The following TROAP variants were observed in gnomAD, a reference collection of about 807,000 sequenced individuals.
TROAP encodes the protein trophinin associated protein, also known as tastin.
TROAP carries 62 observed loss-of-function variants against 83.4 expected under a neutral mutation model. The ratio of observed to expected loss-of-function variants is 0.74; its 90% CI spans 0.61 to 0.92. The LOEUF (loss-of-function observed/expected upper bound fraction) is 0.92, where lower values mean the gene tolerates loss of function less well. TROAP is among the 40% of genes least tolerant of loss of function. The pLI is 0.00. For synonymous variants in TROAP, 352 were observed against 386.4 expected (o/e 0.91, Z 1.04); for missense variants, 876 against 985.1 (o/e 0.89, Z 1.48).
In TROAP at chr12:49,329,374, G is replaced by A; in HGVS notation, c.1105-21G>A. On this transcript the variant is annotated intron_variant, in intron 10 of 14. Coordinates refer to ENST00000257909, the MANE Select transcript of TROAP (RefSeq NM_005480.4). This position sits in a 1 kb window ranked among gnomAD's most constrained non-coding sequence, Gnocchi z 4.5. Reference sequence around the variant, plus strand: ...CCATCTGTGGGTGTCAGCCCTTGCTGACATCTCACTTCTGTGCCAGGCCCA... The same window carrying A: ...CCATCTGTGGGTGTCAGCCCTTGCTAACATCTCACTTCTGTGCCAGGCCCA... 2 of 1,613,168 alleles carry A rather than the reference G, an allele frequency of 1.2e-6. No individual in the cohort carries two copies. The highest frequency in any genetic ancestry group is 1.7e-6 in the Non-Finnish European group (2 of 1,179,438).
intron 2 of TROAP, 32 bp from the exon 3 acceptor site, chr12:49,323,813 C>T: frequency 6.2e-7 from 1 of 1,613,918 alleles, no homozygotes; most frequent in Non-Finnish European, 8.5e-7. Flanking sequence ...CAACACTAAA[C>T]CTCACCTTTT....
intron 3 of TROAP, 141 bp from the exon 4 acceptor site, chr12:49,325,358 CTA>C: frequency 1.2e-6 from 1 of 843,998 alleles, no homozygotes; most frequent in Non-Finnish European, 1.7e-6. Flanking sequence ...ACCCAGCCAT[CTA>C]TTTCTTAAAA....
At position 49,330,490 on chromosome 12, in the gene TROAP, C is replaced by G. The variant is rs1183694798; in HGVS notation, c.1645C>G (p.Pro549Ala). ...ACAGCTTGAAGTACCAGAGCCCTAC[C>G]CTCCAGCAGAACCCAGGCCCCTAGA... ...QEQLEVPEPY[P>A]PAEPRPLESC... The change falls in exon 13 of 15, where the codon CCT (proline) becomes GCT (alanine). Residue 549 changes from proline (P) to alanine (A), a missense_variant. Transcript: ENST00000257909. 3.7e-6 allele frequency: 6 copies of G among 1,613,526 alleles called. 1 individual carries two copies. The South Asian group carries it at 5.5e-5, about 15-fold the overall frequency.
intron 13 of TROAP, 86 bp downstream of exon 13, chr12:49,331,029 C>A (rs772012745): frequency 6.4e-6 from 10 of 1,565,998 alleles, no homozygotes; most frequent in African/African-American, 2.7e-5. Context: ...CTACCCCAGG[C>A]AATCTCATGC....
chr12:49,323,655 C>A lies in TROAP; in HGVS notation c.47C>A (p.Ser16Tyr). ...AAGGATCCCCTCCTCCGGGGTGTAT[C>A]TCCTACCCCTAGCAAGATTCCGGTA... The part of the protein sequence containing the change: ...ATKDPLLRGV[S>Y]PTPSKIPVRS... The change falls in exon 2 of 15, where the codon TCT becomes TAT. Residue 16 changes from serine (S) to tyrosine (Y), a missense_variant. Physicochemically the swap from Ser to Tyr is moderately radical, Grantham distance 144 (BLOSUM62 -2). This residue lies in a region of TROAP where 689 missense variants were observed against 722.6 expected (regional missense o/e 0.95). Transcript: ENST00000257909. 1 of 1,614,104 alleles carries A rather than the reference C, an allele frequency of 6.2e-7. No individual in the cohort carries two copies. Among genetic ancestry groups the A allele is most frequent in the Non-Finnish European group, 8.5e-7 (1 of 1,180,028 alleles).
At chr12:49,323,551 G>C in intron 1 of TROAP, 53 bp from the exon 2 acceptor site, 1 of 1,590,570 alleles carries the variant, frequency 6.3e-7, no homozygotes, top group Non-Finnish European at 8.6e-7. Flanking sequence ...CCCGAGAACT[G>C]GTTGATCTTT....
chr12:49,330,262 A>G lies in TROAP; in HGVS notation c.1417A>G (p.Thr473Ala), dbSNP rs1423183680. ...TATGGTTGAACTTCAGCCCCTGCTGACTGAGATTTCTAGAACTCTGAATGC... is the reference window on the plus strand; with the variant it reads ...TATGGTTGAACTTCAGCCCCTGCTGGCTGAGATTTCTAGAACTCTGAATGC... ...LDMVELQPLL[T>A]EISRTLNATE... The change falls in exon 13 of 15, where the codon ACT (threonine) becomes GCT (alanine). Residue 473 changes from threonine to alanine, a missense_variant. This residue lies in a region of TROAP where 689 missense variants were observed against 722.6 expected (regional missense o/e 0.95). Coordinates refer to ENST00000257909, the MANE Select transcript of TROAP (RefSeq NM_005480.4). The G allele has an allele frequency of 1.2e-6, 2 of 1,614,088 alleles. No individual in the cohort carries two copies. The highest frequency in any genetic ancestry group is 1.7e-6 in the Non-Finnish European group (2 of 1,179,982).
rs200487146 is a variant in TROAP at position 49,331,358 on chromosome 12, G to C, written c.2243G>C (p.Arg748Pro). The change falls in exon 14 of 15, where the codon CGG becomes CCG. Residue 748 changes from arginine to proline, a missense_variant. Transcript: ENST00000257909. ...TSRAPPSGPT[R>P]VCTNPVATLL... ...CGAGCCCCTCCCTCAGGCCCCACCC[G>C]GGTCTGCACCAACCCTGTGGCTACA... 9 of 1,614,010 alleles carry C rather than the reference G, an allele frequency of 5.6e-6. No individual in the cohort carries two copies. The highest frequency in any genetic ancestry group is 1.3e-5 in the African/African-American group (1 of 74,924).
chr12:49,323,359 G>A lies in TROAP; in HGVS notation c.-6+10G>A, dbSNP rs935287342. The A allele has an allele frequency of 4.1e-6, 2 of 491,820 alleles. No individual in the cohort carries two copies. The highest frequency in any genetic ancestry group is 1.9e-5 in the African/African-American group (1 of 51,364). The allele number at this position is 491,820 out of a possible 1,614,324, so 30.5% of individuals were successfully genotyped here. A position where few individuals can be genotyped will look rare whatever the true frequency, so the allele number is the denominator to read the frequency against. Reference sequence around the variant, plus strand: ...GAGGGGCCTCGGTAAGGTAAGGCACGGGGGTCTTGAAGGGAACGAAGGCTG... The same window carrying A: ...GAGGGGCCTCGGTAAGGTAAGGCACAGGGGTCTTGAAGGGAACGAAGGCTG... On this transcript the variant is annotated intron_variant, in intron 1 of 14. Coordinates refer to ENST00000257909, the MANE Select transcript of TROAP (RefSeq NM_005480.4).
At position 49,329,207 on chromosome 12, in the gene TROAP, G is replaced by A. The variant is rs147967383; in HGVS notation, c.1067G>A (p.Arg356Gln). The A allele has an allele frequency of 7.7e-5, 125 of 1,614,192 alleles. No individual in the cohort carries two copies. The highest frequency in any genetic ancestry group is 6.5e-4 in the South Asian group (59 of 91,088). ...LRRLTVQPKT[R>Q]FTPMPSTPRV... ...CGTCTCACCGTTCAACCTAAAACCCGGTTCACACCCATGCCATCAACCCCC... is the reference window on the plus strand; with the variant it reads ...CGTCTCACCGTTCAACCTAAAACCCAGTTCACACCCATGCCATCAACCCCC... Residue 356 changes from arginine to glutamine, a missense_variant, in exon 10 of 15, where the codon CGG becomes CAG. Transcript: ENST00000257909. This position sits in a 1 kb window ranked among gnomAD's most constrained non-coding sequence, Gnocchi z 4.5.
intron 3 of TROAP, chr12:49,324,580 A>T (rs1368335483): frequency 6.1e-6 from 1 of 164,198 alleles, no homozygotes; most frequent in African/African-American, 2.4e-5. Flanking sequence ...GTCTTATGTA[A>T]CATTCTATGA....
chr12:49,329,319 G>A lies in TROAP; in HGVS notation c.1104+75G>A, dbSNP rs1457971511. On this transcript the variant is annotated intron_variant, in intron 10 of 14. Coordinates refer to ENST00000257909, the MANE Select transcript of TROAP (RefSeq NM_005480.4). This position sits in a 1 kb window ranked among gnomAD's most constrained non-coding sequence, Gnocchi z 4.5. ...AAAGGAGATGGATGGGTACAGGAGA[G>A]AGAAGACAGAAGCAAGGGGAGGCTG... 6.2e-7 allele frequency: 1 copy of A among 1,613,024 alleles called. No individual in the cohort carries two copies. Among genetic ancestry groups the A allele is most frequent in the Admixed American group, 1.7e-5 (1 of 60,006 alleles).
chr12:49,328,961 C>T lies in TROAP; in HGVS notation c.926C>T (p.Ala309Val), dbSNP rs148646194. 5.6e-6 allele frequency: 9 copies of T among 1,600,456 alleles called. No individual in the cohort carries two copies. In the African/African-American group the frequency reaches 1.2e-4, roughly 21 times the overall value. ...SHDSHLMPSP[A>V]PVAQPLPGHV... ...GACTCCCACCTGATGCCCTCCCCTG[C>T]CCCTGTGGCCCAGCCCTTGCCTGGC... The change falls in exon 9 of 15, where the codon GCC becomes GTC. Residue 309 changes from alanine (A) to valine (V), a missense_variant. Transcript: ENST00000257909.
At chr12:49,327,128 C>T (rs894548222) in intron 7 of TROAP, 81 bp from the exon 8 acceptor site, 1 of 1,569,328 alleles carries the variant, frequency 6.4e-7, no homozygotes, top group African/African-American at 1.4e-5. Context: ...ACTAATATAC[C>T]CTCTTCAGAA....
At chr12:49,327,071 G>A (rs1046930807) in intron 7 of TROAP, 138 bp from the exon 8 acceptor site, 34 of 1,035,384 alleles carry the variant, frequency 3.3e-5, no homozygotes, top group Non-Finnish European at 4.6e-5. Context: ...GTGTTGAGGG[G>A]CTGCTGGATG....
intron 8 of TROAP, 147 bp downstream of exon 8, chr12:49,327,477 C>A: frequency 9.5e-7 from 1 of 1,056,834 alleles, no homozygotes; most frequent in Non-Finnish European, 1.4e-6. Context: ...ACCCCAGATG[C>A]ACCCAGTCCC....
At chr12:49,330,054 A>AAAAGAGAT in intron 12 of TROAP, 63 bp downstream of exon 12, 1 of 1,607,500 alleles carries the variant, frequency 6.2e-7, no homozygotes, top group South Asian at 1.1e-5. Context: ...AGGAAGAGGG[A>AAAAGAGAT]AAAGAGATGG....
At chr12:49,326,887 T>G (rs796435091) in intron 7 of TROAP, among the ~76,000 whole-genome samples, 167 bp downstream of exon 7, 5 of 152,306 alleles carry the variant, frequency 3.3e-5, no homozygotes, top group African/African-American at 1.2e-4. Context: ...GGCCAGCGAT[T>G]GGCACAGTTG....
chr12:49,325,439 T>C lies in TROAP; in HGVS notation c.338-62T>C, dbSNP rs931581449. 5.2e-6 allele frequency: 8 copies of C among 1,526,888 alleles called. No individual in the cohort carries two copies. The South Asian group carries it at 9.8e-5, about 19-fold the overall frequency. The allele number at this position is 1,526,888 out of a possible 1,614,324, so 94.6% of individuals were successfully genotyped here. ...CTCACCTTGTACCTCAAAGTTCCTA[T>C]GCTAGGGGCCCTATCCCCCTCAGCC... On this transcript the variant is annotated intron_variant, in intron 3 of 14. Coordinates refer to ENST00000257909, the MANE Select transcript of TROAP (RefSeq NM_005480.4).
Sources: gnomAD v4.1 joint callset for allele counts (sites outside exome capture counted in the v4.1 genomes callset) on GRCh38, gnomAD v4.1.1 for gene constraint, gnomAD v4.1.1 regional missense constraint, Gnocchi (gnomAD v3.1) non-coding constraint, MANE v1.5 for transcripts, NCBI Gene and HGNC (gene_info 2026-07-23, HGNC 2026-07-21) for gene names.